PHF14: variants seen among roughly 807,000 people sequenced by gnomAD.
PHF14 encodes PHD finger protein 14.
A neutral mutation model predicts 117.9 loss-of-function variants in PHF14; 55 were observed. The observed-to-expected ratio is 0.47, with a 90% CI of 0.38 to 0.58. The LOEUF (loss-of-function observed/expected upper bound fraction) is 0.58. PHF14 is among the 20% of genes least tolerant of loss of function. PHF14 has a pLI of 0.00. For missense variants in PHF14, 978 were observed against 1,122.2 expected (o/e 0.87, Z 1.84); for synonymous variants, 409 against 368.6 (o/e 1.11, Z -1.26).
chr7:11,140,024 A>G (rs545711609), intron 17 of PHF14, among the ~76,000 whole-genome samples: 3 of 152,244 alleles, frequency 2.0e-5, no homozygotes, highest in Admixed American at 1.3e-4. Flanking sequence ...TAAGAAATAC[A>G]TGTTACCCTG....
At chr7:11,086,754 G>C (rs1245961413) in intron 16 of PHF14, among the ~76,000 whole-genome samples, 1 of 151,998 alleles carries the variant, frequency 6.6e-6, no homozygotes, top group African/African-American at 2.4e-5. Flanking sequence ...TGAAATTTTG[G>C]TTAGATTGGA....
At chr7:10,977,387 G>C (rs1366484154) in intron 2 of PHF14, among the ~76,000 whole-genome samples, 1 of 152,084 alleles carries the variant, frequency 6.6e-6, no homozygotes, top group African/African-American at 2.4e-5. Context: ...GGATTCCGTG[G>C]ATCAATTTCT....
intron 2 of PHF14, among the ~76,000 whole-genome samples, chr7:10,978,745 C>T (rs1458846009): frequency 1.3e-5 from 2 of 152,140 alleles, no homozygotes; most frequent in Non-Finnish European, 2.9e-5. Context: ...CCCAGCCTCA[C>T]CTCCACCTCC....
intron 7 of PHF14, among the ~76,000 whole-genome samples, chr7:11,032,840 G>A (rs538501189): frequency 7.9e-5 from 12 of 152,146 alleles, no homozygotes; most frequent in Non-Finnish European, 1.6e-4. Context: ...TTGCAGAGTT[G>A]GGCTCTAGTT....
At chr7:11,107,283 T>C (rs1259990157) in intron 16 of PHF14, 1 of 975,100 alleles carries the variant, frequency 1.0e-6, no homozygotes, top group Non-Finnish European at 1.2e-6. Context: ...ATCATTTTTT[T>C]CCCTCTTCTT....
chr7:11,124,054 C>CT lies in PHF14; in HGVS notation c.2772+12593dup, dbSNP rs957462683. On this transcript the variant is annotated intron_variant, in intron 17 of 17. Coordinates refer to ENST00000634607, the MANE Select transcript of PHF14 (RefSeq NM_001007157.2). ...GTTTTTCTCCTTACTTTTTCCTTTT[C>CT]TTTTTTCTAACTCCACTTTTCTGAA... 9.3e-4 allele frequency among the ~76,000 whole-genome samples: 118 copies of CT among 127,244 alleles called. 1 individual carries two copies. Among genetic ancestry groups the CT allele is most frequent in the African/African-American group, 2.8e-3 (112 of 39,492 alleles). The allele number at this position is 127,244 out of a possible 152,430, so 83.5% of individuals were successfully genotyped here. A position where few individuals can be genotyped will look rare whatever the true frequency, so the allele number is the denominator to read the frequency against.
intron 7 of PHF14, among the ~76,000 whole-genome samples, chr7:11,032,519 A>G (rs536319698): frequency 2.0e-5 from 3 of 152,084 alleles, no homozygotes; most frequent in Non-Finnish European, 4.4e-5. Flanking sequence ...AAAGATTTTA[A>G]GATTCTAGAC....
chr7:11,034,539 ATTTTTTTTTTTTTT>A (rs56043099), intron 7 of PHF14, among the ~76,000 whole-genome samples: 1 of 63,056 alleles, frequency 1.6e-5, no homozygotes, highest in African/African-American at 6.3e-5. Context: ...TCTTAATTCT[ATTTTTTTTTTTTTT>A]TTTTTTTTTT....
intron 6 of PHF14, among the ~76,000 whole-genome samples, chr7:11,025,999 C>G (rs555291142): frequency 1.3e-5 from 2 of 151,772 alleles, no homozygotes; most frequent in East Asian, 1.9e-4. Context: ...GTAACCCCAG[C>G]TACTCAGGAA....
chr7:11,051,529 C>G, intron 13 of PHF14, 83 bp from the exon 14 acceptor site: 1 of 1,099,692 alleles, frequency 9.1e-7, no homozygotes, highest in Non-Finnish European at 1.3e-6. Flanking sequence ...TCTTATATAC[C>G]TGGATTTTGT....
At chr7:11,061,028 C>T (rs1205074880) in intron 14 of PHF14, among the ~76,000 whole-genome samples, 1 of 152,086 alleles carries the variant, frequency 6.6e-6, no homozygotes, top group Non-Finnish European at 1.5e-5. Flanking sequence ...TCTCAGCTGT[C>T]AAAGTAATTT....
rs1784853679 is a variant in PHF14, at chr7:11,051,635, C to T, written c.2336C>T (p.Ala779Val). 1 of 1,612,686 alleles carries T rather than the reference C, an allele frequency of 6.2e-7. No homozygotes were observed. The highest frequency in any genetic ancestry group is 1.3e-5 in the African/African-American group (1 of 74,830). The part of the protein sequence containing the change: ...SYWQCSECDQ[A>V]GSSDMEADMA... Reference sequence around the variant, plus strand: ...AGGCAGTGCTCGGAATGTGACCAGGCAGGGAGCAGTGACATGGAAGCAGAT... The same window carrying T: ...AGGCAGTGCTCGGAATGTGACCAGGTAGGGAGCAGTGACATGGAAGCAGAT... Residue 779 changes from alanine to valine, a missense_variant, in exon 14 of 18, where the codon GCA (alanine) becomes GTA (valine). This residue lies in a region of PHF14 where 17 missense variants were observed against 52.9 expected (regional missense o/e 0.32). Coordinates refer to ENST00000634607, the MANE Select transcript of PHF14 (RefSeq NM_001007157.2).
chr7:11,001,941 C>G (rs1782890237), intron 4 of PHF14, among the ~76,000 whole-genome samples: 1 of 152,110 alleles, frequency 6.6e-6, no homozygotes, highest in African/African-American at 2.4e-5. Flanking sequence ...TGTGGGCAAG[C>G]TTCTAGTTTC....
intron 4 of PHF14, among the ~76,000 whole-genome samples, chr7:11,006,097 A>G (rs765919351): frequency 3.9e-5 from 6 of 152,166 alleles, no homozygotes; most frequent in Non-Finnish European, 8.8e-5. Flanking sequence ...GTCAAAAGAT[A>G]AGTGTATTTA....
At chr7:11,101,587 G>A (rs922649036) in intron 16 of PHF14, among the ~76,000 whole-genome samples, 1 of 151,762 alleles carries the variant, frequency 6.6e-6, no homozygotes, top group African/African-American at 2.4e-5. Context: ...ATTCTTTTGT[G>A]GGGGTGTTTA....
At chr7:11,051,870 A>G in intron 14 of PHF14, 90 bp downstream of exon 14, 1 of 1,035,984 alleles carries the variant, frequency 9.7e-7, no homozygotes, top group South Asian at 1.8e-5. Context: ...ACATATACTC[A>G]GAAGTCAAAG....
intron 5 of PHF14, among the ~76,000 whole-genome samples, chr7:11,016,547 C>T (rs1783542240): frequency 6.6e-6 from 1 of 151,678 alleles, no homozygotes; most frequent in Non-Finnish European, 1.5e-5. Flanking sequence ...ACTTATAAAC[C>T]TGACTGTGGG....
intron 14 of PHF14, among the ~76,000 whole-genome samples, chr7:11,056,051 C>T (rs536654173): frequency 2.0e-5 from 3 of 152,188 alleles, no homozygotes; most frequent in African/African-American, 4.8e-5. Flanking sequence ...CTCTGAGGTA[C>T]GAGTCAGATT....
At chr7:10,994,008 CAAA>C (rs1166211936) in intron 4 of PHF14, among the ~76,000 whole-genome samples, 6 of 81,968 alleles carry the variant, frequency 7.3e-5, no homozygotes, top group Non-Finnish European at 5.2e-5. Flanking sequence ...GACTCTGTCT[CAAA>C]AAAAAAAAAA....
Sources: allele counts gnomAD v4.1 joint callset (sites outside exome capture counted in the v4.1 genomes callset), GRCh38; gene constraint gnomAD v4.1.1; regional missense constraint gnomAD v4.1.1; transcripts MANE v1.5; gene names NCBI Gene and HGNC (gene_info 2026-07-23, HGNC 2026-07-21).